The following CSMD1 variants were observed in gnomAD, a reference collection of about 807,000 sequenced individuals.
The protein encoded by CSMD1 is CUB and sushi domain-containing protein 1.
In CSMD1, 213 loss-of-function variants were observed where a neutral mutation model predicts 417.5. The observed-to-expected ratio is 0.51, with a 90% confidence interval of 0.46 to 0.57. The LOEUF (loss-of-function observed/expected upper bound fraction) is 0.57. Ranked by LOEUF, CSMD1 falls within the 20% of genes least tolerant of loss-of-function variation. CSMD1 has a pLI of 0.00. For synonymous variants in CSMD1, 2,862 were observed against 1,736.8 expected, an observed-to-expected ratio of 1.65 and a Z score of -16.11; for missense variants, 6,923 against 4,529.7, an observed-to-expected ratio of 1.53 and a Z score of -15.17.
chr8:3,476,184 A>G (rs1482360316), intron 11 of CSMD1, among the ~76,000 whole-genome samples: 4 of 152,220 alleles, frequency 2.6e-5, no homozygotes, highest in Non-Finnish European at 5.9e-5. Context: ...CTCAACCAAA[A>G]TACAAATGCA....
At chr8:3,706,870 C>G (rs972239544) in intron 7 of CSMD1, among the ~76,000 whole-genome samples, 5 of 152,148 alleles carry the variant, frequency 3.3e-5, no homozygotes, top group Admixed American at 6.5e-5. Flanking sequence ...ACCCTTTATT[C>G]CTTCTACTGT....
At chr8:4,790,127 C>G (rs1043265781) in intron 1 of CSMD1, among the ~76,000 whole-genome samples, 1 of 152,132 alleles carries the variant, frequency 6.6e-6, no homozygotes, top group Admixed American at 6.6e-5. Context: ...ATCCAATATT[C>G]AGTTCCTTTG....
At chr8:4,825,924 A>G (rs1295375356) in intron 1 of CSMD1, among the ~76,000 whole-genome samples, 1 of 150,066 alleles carries the variant, frequency 6.7e-6, no homozygotes, top group African/African-American at 2.4e-5. Flanking sequence ...AATGCAGATC[A>G]AAAAACAGGC....
chr8:4,394,202 A>G (rs1804052017), intron 3 of CSMD1, among the ~76,000 whole-genome samples: 1 of 152,206 alleles, frequency 6.6e-6, no homozygotes, highest in African/African-American at 2.4e-5. Flanking sequence ...CTTCTGAGAC[A>G]AGTGCCTAGG....
intron 33 of CSMD1, among the ~76,000 whole-genome samples, chr8:3,190,526 C>G (rs984044469): frequency 6.6e-6 from 1 of 152,088 alleles, no homozygotes; most frequent in African/African-American, 2.4e-5. Flanking sequence ...CCTCACAGGC[C>G]TCTGAGTCTA....
At chr8:4,318,150 A>G (rs1563445280) in intron 3 of CSMD1, among the ~76,000 whole-genome samples, 2 of 152,152 alleles carry the variant, frequency 1.3e-5, no homozygotes, top group Non-Finnish European at 2.9e-5. Context: ...TTATGAAATA[A>G]TATGAACATT....
intron 2 of CSMD1, among the ~76,000 whole-genome samples, chr8:4,609,622 T>A (rs1321386682): frequency 6.6e-6 from 1 of 152,172 alleles, no homozygotes; most frequent in Non-Finnish European, 1.5e-5. Flanking sequence ...CAAAATGGCA[T>A]ATTTTTGACA....
chr8:3,240,541 A>G (rs918812599), intron 26 of CSMD1, among the ~76,000 whole-genome samples: 8 of 151,892 alleles, frequency 5.3e-5, no homozygotes, highest in African/African-American at 1.9e-4. Flanking sequence ...TGAGGAAGAA[A>G]TTTGGGCTTG....
chr8:3,546,334 G>C (rs551901374), intron 10 of CSMD1, among the ~76,000 whole-genome samples: 2 of 152,006 alleles, frequency 1.3e-5, no homozygotes, highest in African/African-American at 4.8e-5. Context: ...AGGAGATCGA[G>C]ACCATCTTGG....
intron 1 of CSMD1, among the ~76,000 whole-genome samples, chr8:4,739,472 T>G (rs953658506): frequency 1.3e-5 from 2 of 152,222 alleles, no homozygotes; most frequent in Admixed American, 6.5e-5. Flanking sequence ...CTAATTGAAT[T>G]TGTTGTAATG....
At chr8:4,074,609 G>C (rs761235699) in intron 3 of CSMD1, among the ~76,000 whole-genome samples, 1 of 152,150 alleles carries the variant, frequency 6.6e-6, no homozygotes, top group African/African-American at 2.4e-5. Context: ...TCAAACTACT[G>C]TCCTACATTT....
rs115773320 is a variant in CSMD1 at position 4,980,289 on chromosome 8, C to G, written c.85+14043G>C. ...AGAACTTTCCTAGCATGCTGCTCTT[C>G]CCAGAGTGTAGCCACAAGGGCTGTG... On this transcript the variant is annotated intron_variant, in intron 1 of 69. Coordinates refer to ENST00000635120, the MANE Select transcript of CSMD1 (RefSeq NM_033225.6). 5.8e-3 allele frequency among the ~76,000 whole-genome samples: 878 copies of G among 152,264 alleles called. 9 individuals carry two copies. The highest frequency in any genetic ancestry group is 0.02 in the African/African-American group (825 of 41,550).
chr8:3,654,001 G>C (rs998597185), intron 7 of CSMD1, among the ~76,000 whole-genome samples: 21 of 152,220 alleles, frequency 1.4e-4, no homozygotes, highest in African/African-American at 4.8e-4. Flanking sequence ...TTGGATCATT[G>C]ATGTGAAAAG....
chr8:4,305,975 G>A (rs148055609), intron 3 of CSMD1, among the ~76,000 whole-genome samples: 1 of 152,228 alleles, frequency 6.6e-6, no homozygotes, highest in East Asian at 1.9e-4. Context: ...GATACATAGT[G>A]TGCCCAGACA....
chr8:4,268,339 C>A (rs1171988769), intron 3 of CSMD1, among the ~76,000 whole-genome samples: 2 of 152,070 alleles, frequency 1.3e-5, no homozygotes, highest in South Asian at 2.1e-4. Context: ...TAATTAGATT[C>A]TTTTTGACTA....
At chr8:3,257,053 G>T (rs1171423462) in intron 26 of CSMD1, among the ~76,000 whole-genome samples, 1 of 152,148 alleles carries the variant, frequency 6.6e-6, no homozygotes, top group Admixed American at 6.5e-5. Flanking sequence ...CAGGTACAGT[G>T]GCTCATGCCT....
intron 1 of CSMD1, among the ~76,000 whole-genome samples, chr8:4,911,142 G>C (rs933095831): frequency 6.6e-6 from 1 of 152,200 alleles, no homozygotes; most frequent in South Asian, 2.1e-4. Flanking sequence ...AAATTCTCCA[G>C]TCTTGGGTAT....
intron 3 of CSMD1, among the ~76,000 whole-genome samples, chr8:4,307,648 C>T (rs939880463): frequency 1.3e-5 from 2 of 152,052 alleles, no homozygotes; most frequent in African/African-American, 2.4e-5. Flanking sequence ...ATCTCAAGGA[C>T]GATGGGAAAT....
At chr8:4,211,856 C>G (rs530342122) in intron 3 of CSMD1, among the ~76,000 whole-genome samples, 11 of 152,290 alleles carry the variant, frequency 7.2e-5, no homozygotes, top group African/African-American at 2.6e-4. Context: ...AAAACACTAA[C>G]TTGCTTTAAT....
Sources: gnomAD v4.1 joint callset for allele counts (sites outside exome capture counted in the v4.1 genomes callset) on GRCh38, gnomAD v4.1.1 for gene constraint, MANE v1.5 for transcripts, NCBI Gene and HGNC (gene_info 2026-07-23, HGNC 2026-07-21) for gene names.